AQP11: variants seen among roughly 807,000 people sequenced by gnomAD.
AQP11 encodes aquaporin-11.
AQP11 carries 20 observed loss-of-function variants against 21.1 expected under a neutral mutation model. The ratio of observed to expected loss-of-function variants is 0.95; its 90% CI spans 0.67 to 1.38. AQP11 has a LOEUF of 1.38. AQP11 is among the 40% of genes most tolerant of loss of function. AQP11 has a pLI of 0.00. For missense variants in AQP11, 339 were observed against 340.4 expected, an observed-to-expected ratio of 1.00 and a Z score of 0.03; for synonymous variants, 167 against 150.1, an observed-to-expected ratio of 1.11 and a Z score of -0.82.
rs572117533 is a variant in AQP11, at chr11:77,601,418, G to A, written c.620-2138G>A. Among the ~76,000 whole-genome samples the A allele has an allele frequency of 2.3e-4, 33 of 145,082 alleles. No individual in the cohort carries two copies. The South Asian group carries it at 4.9e-3, about 22-fold the overall frequency. Reference sequence around the variant, plus strand: ...GGCTGGAGAGCGGTGGCACAATCTCGACTCACTGCAGCCTCAACCTCTGCA... The same window carrying A: ...GGCTGGAGAGCGGTGGCACAATCTCAACTCACTGCAGCCTCAACCTCTGCA... On this transcript the variant is annotated intron_variant, in intron 1 of 2. Coordinates refer to ENST00000313578, the MANE Select transcript of AQP11 (RefSeq NM_173039.3).
At chr11:77,593,666 A>C (rs910068813) in intron 1 of AQP11, among the ~76,000 whole-genome samples, 1 of 152,138 alleles carries the variant, frequency 6.6e-6, no homozygotes, top group African/African-American at 2.4e-5. Flanking sequence ...AAAACAAAAA[A>C]AAACAACCCA....
rs950141271 is a variant in AQP11, at chr11:77,609,809, C to A, written c.*432C>A. 6.5e-6 allele frequency: 1 copy of A among 152,708 alleles called. No individual in the cohort carries two copies. Among genetic ancestry groups the A allele is most frequent in the African/African-American group, 2.4e-5 (1 of 41,454 alleles). 9.5% of individuals were successfully genotyped at this position (152,708 alleles called of 1,614,324 possible). A position where few individuals can be genotyped will look rare whatever the true frequency, so the allele number is the denominator to read the frequency against. ...AACTTACAGAACTGGGGAGAGGATA[C>A]TTTCAGCCACCACCTCACAAAATGA... On this transcript the variant is annotated 3_prime_UTR_variant, in exon 3 of 3. Coordinates refer to ENST00000313578, the MANE Select transcript of AQP11 (RefSeq NM_173039.3).
At chr11:77,601,870 C>T (rs576812398) in intron 1 of AQP11, among the ~76,000 whole-genome samples, 1 of 152,206 alleles carries the variant, frequency 6.6e-6, no homozygotes, top group Non-Finnish European at 1.5e-5. Flanking sequence ...AGCAAACTTA[C>T]ATGGTCAGGG....
chr11:77,605,776 A>G (rs1958842242), intron 2 of AQP11, among the ~76,000 whole-genome samples: 1 of 152,130 alleles, frequency 6.6e-6, no homozygotes, highest in East Asian at 1.9e-4. Context: ...GTAGCCAGGT[A>G]GGCTGGGTGC....
rs770689209 is a variant in AQP11, at chr11:77,590,249, C to T, written c.257C>T (p.Ser86Leu). 6 of 1,599,680 alleles carry T rather than the reference C, an allele frequency of 3.8e-6. No individual in the cohort carries two copies. In the African/African-American group the frequency reaches 5.4e-5, roughly 14 times the overall value. ...TWTLTLVYFF[S>L]LVHGLTLVGT... is the part of the protein sequence containing the mutation. ...ACGCTGACGCTCGTCTACTTCTTCT[C>T]GCTTGTGCATGGCCTGACTCTGGTG... Residue 86 changes from serine to leucine, a missense_variant, in exon 1 of 3, where the codon TCG becomes TTG. Transcript: ENST00000313578.
chr11:77,609,241 G>A, intron 2 of AQP11, 57 bp from the exon 3 acceptor site: 2 of 1,353,366 alleles, frequency 1.5e-6, no homozygotes, highest in South Asian at 1.3e-5. Context: ...TACCCACCTA[G>A]TGATTATGAA....
rs747020932 is a variant in AQP11 at position 77,603,672 on chromosome 11, G to A, written c.736G>A (p.Gly246Ser). Residue 246 changes from glycine (G) to serine (S), a missense_variant and splice_region_variant, in exon 2 of 3, where the codon GGT becomes AGT. Transcript: ENST00000313578. ...AGTATACTGGCTGGCTCCTTCTTTA[G>A]GTAAGCGTATTTTTATTTAATATGT... ...FIVYWLAPSL[G>S]ILLMILMFSF... is the part of the protein sequence containing the mutation. 5.1e-6 allele frequency: 8 copies of A among 1,565,294 alleles called. No homozygotes were observed. The highest frequency in any genetic ancestry group is 6.9e-6 in the Non-Finnish European group (8 of 1,151,544).
chr11:77,601,509 C>T (rs540636271), intron 1 of AQP11, among the ~76,000 whole-genome samples: 5 of 152,118 alleles, frequency 3.3e-5, no homozygotes, highest in South Asian at 4.1e-4. Flanking sequence ...GGCACCACAA[C>T]CAGCTAATTT....
Position 77,603,644 on chromosome 11 carries a change from T to C in AQP11, c.708T>C (p.Phe236=), listed in dbSNP as rs977545275. The C allele has an allele frequency of 6.2e-7, 1 of 1,607,614 alleles. No homozygotes were observed. Among genetic ancestry groups the C allele is most frequent in the African/African-American group, 1.3e-5 (1 of 74,796 alleles). ...MCFDEAFPQF[F]IVYWLAPSLG... ...TTGATGAAGCATTCCCTCAGTTTTT[T>C]ATAGTATACTGGCTGGCTCCTTCTT... The change falls in exon 2 of 3, where the codon TTT becomes TTC. Residue 236 remains phenylalanine (F), a synonymous_variant. Coordinates refer to ENST00000313578, the MANE Select transcript of AQP11 (RefSeq NM_173039.3).
chr11:77,598,800 T>C (rs529853024), intron 1 of AQP11, among the ~76,000 whole-genome samples: 44 of 152,290 alleles, frequency 2.9e-4, no homozygotes, highest in African/African-American at 1.0e-3. Context: ...CTGCACCCTC[T>C]GTCTCGCAGG....
chr11:77,607,837 T>C (rs963069140), intron 2 of AQP11, among the ~76,000 whole-genome samples: 2 of 152,124 alleles, frequency 1.3e-5, no homozygotes, highest in African/African-American at 4.8e-5. Flanking sequence ...AAAATTCTAT[T>C]TGCTTCTATG....
At chr11:77,597,393 G>A (rs757059885) in intron 1 of AQP11, among the ~76,000 whole-genome samples, 1 of 152,140 alleles carries the variant, frequency 6.6e-6, no homozygotes. Context: ...CCAAAATGGC[G>A]AAACCCAGTC....
Position 77,591,098 on chromosome 11 carries a change from T to TA in AQP11, c.619+490dup, listed in dbSNP as rs545846985. On this transcript the variant is annotated intron_variant, in intron 1 of 2. Transcript: ENST00000313578. ...TTCCATTTTAGTCCTATAAATGATT[T>TA]AAAGTCATTTCTTATTTCCTTAATA... is the stretch of plus-strand genomic sequence containing the variant. 956 of 980,460 alleles carry TA rather than the reference T, an allele frequency of 9.8e-4. 4 individuals are homozygous for TA. The highest frequency in any genetic ancestry group is 1.1e-3 in the Non-Finnish European group (911 of 825,404). 60.7% of individuals were successfully genotyped at this position (980,460 alleles called of 1,614,324 possible).
Position 77,609,544 on chromosome 11 carries a change from G to T in AQP11, c.*167G>T. The T allele has an allele frequency of 4.2e-6, 2 of 480,370 alleles. No individual in the cohort carries two copies. The highest frequency in any genetic ancestry group is 7.3e-6 in the Non-Finnish European group (2 of 275,352). 29.8% of individuals were successfully genotyped at this position (480,370 alleles called of 1,614,324 possible). ...ACTGGGACTTTAAAAAAAAATTACT[G>T]TGAAAATGAGGTATTCTGTACTTCT... On this transcript the variant is annotated 3_prime_UTR_variant, in exon 3 of 3. Coordinates refer to ENST00000313578, the MANE Select transcript of AQP11 (RefSeq NM_173039.3).
intron 1 of AQP11, among the ~76,000 whole-genome samples, chr11:77,597,889 G>A (rs1196635570): frequency 6.6e-6 from 1 of 152,152 alleles, no homozygotes; most frequent in Admixed American, 6.5e-5. Context: ...GAGTAGCTGG[G>A]ATCATAGGCG....
In AQP11 at chr11:77,607,176, T is replaced by C. The variant is rs1431468799; in HGVS notation, c.737-2122T>C. 2.0e-5 allele frequency among the ~76,000 whole-genome samples: 3 copies of C among 152,164 alleles called. No individual in the cohort carries two copies. In the East Asian group the frequency reaches 5.8e-4, roughly 29 times the overall value. On this transcript the variant is annotated intron_variant, in intron 2 of 2. Transcript: ENST00000313578. Reference sequence around the variant, plus strand: ...CATTCCAGCCAGCCATTGAATTTTGTCATATATTGAAGTTACCTTCCCACT... The same window carrying C: ...CATTCCAGCCAGCCATTGAATTTTGCCATATATTGAAGTTACCTTCCCACT...
At position 77,603,604 on chromosome 11, in the gene AQP11, T is replaced by C. The variant is rs914577523; in HGVS notation, c.668T>C (p.Leu223Pro). ...AVFNPALALS[L>P]HFMCFDEAFP... ...TTTAATCCAGCTTTGGCACTTTCGC[T>C]ACATTTCATGTGTTTTGATGAAGCA... Residue 223 changes from leucine to proline, a missense_variant, in exon 2 of 3, where the codon CTA (leucine) becomes CCA (proline). Leu to Pro is a moderately conservative substitution (Grantham distance 98). Transcript: ENST00000313578. 2 of 1,609,906 alleles carry C rather than the reference T, an allele frequency of 1.2e-6. No individual in the cohort carries two copies. The highest frequency in any genetic ancestry group is 1.7e-5 in the Admixed American group (1 of 59,198).
chr11:77,591,523 G>A (rs1427390830), intron 1 of AQP11, among the ~76,000 whole-genome samples: 1 of 152,184 alleles, frequency 6.6e-6, no homozygotes, highest in Non-Finnish European at 1.5e-5. Flanking sequence ...ATGACTAGAA[G>A]CAAACTTCAA....
chr11:77,590,348 T>G lies in AQP11; in HGVS notation c.356T>G (p.Val119Gly), dbSNP rs1458126510. The stretch of plus-strand genomic sequence containing the variant: ...GGCATGTCCCCCGAGACGGGTGCGG[T>G]GAGGCTATTGGCTCAGCTGGTTAGT... Reference protein sequence around the residue: ...LGGMSPETGAVRLLAQLVSAL... With the variant: ...LGGMSPETGAGRLLAQLVSAL... The change falls in exon 1 of 3, where the codon GTG (valine) becomes GGG (glycine). Residue 119 changes from valine (V) to glycine (G), a missense_variant. Transcript: ENST00000313578. The G allele has an allele frequency of 6.2e-7, 1 of 1,609,094 alleles. No individual in the cohort carries two copies. The highest frequency in any genetic ancestry group is 1.3e-5 in the African/African-American group (1 of 74,452).
Sources: allele counts gnomAD v4.1 joint callset (sites outside exome capture counted in the v4.1 genomes callset), GRCh38; gene constraint gnomAD v4.1.1; transcripts MANE v1.5; gene names NCBI Gene and HGNC (gene_info 2026-07-23, HGNC 2026-07-21).